ADAMTSL1: variants seen among roughly 807,000 people sequenced by gnomAD.
ADAMTSL1 encodes the protein ADAMTS like 1, also known as ADAMTS-like protein 1.
A neutral mutation model predicts 201.8 loss-of-function variants in ADAMTSL1; 126 were observed. The ratio of observed to expected loss-of-function variants is 0.62; its 90% CI spans 0.54 to 0.72. ADAMTSL1 has a LOEUF of 0.72. Ranked by LOEUF, ADAMTSL1 falls within the 30% of genes least tolerant of loss-of-function variation. The pLI, the probability that ADAMTSL1 is intolerant of heterozygous loss-of-function variation, is 0.00. For synonymous variants in ADAMTSL1, 1,121 were observed against 903.4 expected (o/e 1.24, Z -4.32); for missense variants, 2,679 against 2,277.8 (o/e 1.18, Z -3.59).
At chr9:18,399,433 G>A (rs773116261) in intron 2 of ADAMTSL1, among the ~76,000 whole-genome samples, 64 of 150,344 alleles carry the variant, frequency 4.3e-4, no homozygotes, top group Non-Finnish European at 8.1e-4. Context: ...TCCGCCTCCC[G>A]GGTTCAAGCG....
chr9:18,462,608 T>A (rs570831108), intron 2 of ADAMTSL1, among the ~76,000 whole-genome samples: 1 of 152,180 alleles, frequency 6.6e-6, no homozygotes, highest in East Asian at 1.9e-4. Flanking sequence ...AATTTTAAGA[T>A]GATATATGAG....
chr9:18,625,997 C>T (rs909788761), intron 5 of ADAMTSL1, among the ~76,000 whole-genome samples: 6 of 152,266 alleles, frequency 3.9e-5, no homozygotes, highest in South Asian at 2.1e-4. Context: ...GTAAAGTACG[C>T]TTATAATAAA....
At chr9:17,994,260 A>C (rs1479780936) in intron 1 of ADAMTSL1, among the ~76,000 whole-genome samples, 1 of 152,158 alleles carries the variant, frequency 6.6e-6, no homozygotes, top group African/African-American at 2.4e-5. Flanking sequence ...TCCATGCACA[A>C]GGGTTGAGCT....
chr9:18,243,176 A>C (rs1212667293), intron 2 of ADAMTSL1, among the ~76,000 whole-genome samples: 1 of 152,184 alleles, frequency 6.6e-6, no homozygotes, highest in East Asian at 1.9e-4. Flanking sequence ...AAATAAGTTC[A>C]TACTTATATG....
At chr9:18,214,027 G>A (rs768725255) in intron 2 of ADAMTSL1, among the ~76,000 whole-genome samples, 2 of 152,050 alleles carry the variant, frequency 1.3e-5, no homozygotes, top group Non-Finnish European at 2.9e-5. Flanking sequence ...ATGAGCCACC[G>A]CCCCTCGCCC....
intron 1 of ADAMTSL1, among the ~76,000 whole-genome samples, chr9:18,142,341 T>C (rs1826437467): frequency 6.6e-6 from 1 of 152,192 alleles, no homozygotes; most frequent in Admixed American, 6.5e-5. Flanking sequence ...TCTTTGTCTG[T>C]GCTAACAAAG....
Position 18,908,836 on chromosome 9 carries a change from T to A in ADAMTSL1, c.*288T>A, listed in dbSNP as rs1214339389. The A allele has an allele frequency of 6.8e-6, 2 of 293,514 alleles. No homozygotes were observed. The highest frequency in any genetic ancestry group is 1.3e-5 in the Non-Finnish European group (2 of 157,854). 18.2% of individuals were successfully genotyped at this position (293,514 alleles called of 1,614,324 possible). On this transcript the variant is annotated 3_prime_UTR_variant, in exon 29 of 29. Transcript: ENST00000380548. ...GGGCTCCCTTGAAGAGCTTCCTCCC[T>A]CCCAAACCTGGGTCTCAAAGACCTA...
chr9:18,651,185 A>G (rs926652112), intron 7 of ADAMTSL1: 4 of 152,208 alleles, frequency 2.6e-5, no homozygotes, highest in Non-Finnish European at 4.4e-5. Context: ...CTGTCAGTAC[A>G]TTAATTATTA....
chr9:17,969,732 G>A (rs1818131005), intron 1 of ADAMTSL1, among the ~76,000 whole-genome samples: 1 of 151,832 alleles, frequency 6.6e-6, no homozygotes, highest in African/African-American at 2.4e-5. Context: ...TTCTTAGAGA[G>A]GATCTTAAAT....
chr9:17,997,501 T>C (rs973886312), intron 1 of ADAMTSL1, among the ~76,000 whole-genome samples: 1 of 152,112 alleles, frequency 6.6e-6, no homozygotes, highest in African/African-American at 2.4e-5. Context: ...TATTTACACA[T>C]ATGTTGGTAA....
intron 1 of ADAMTSL1, among the ~76,000 whole-genome samples, chr9:18,485,141 T>C (rs1033115032): frequency 6.6e-6 from 1 of 152,176 alleles, no homozygotes; most frequent in Non-Finnish European, 1.5e-5. Context: ...AGAGAGGTTA[T>C]GTAACATGCC....
intron 16 of ADAMTSL1, among the ~76,000 whole-genome samples, chr9:18,766,412 T>A (rs1820366765): frequency 6.6e-6 from 1 of 152,134 alleles, no homozygotes; most frequent in South Asian, 2.1e-4. Flanking sequence ...TGCTATGGTG[T>A]GGAGAATAGA....
chr9:17,953,138 C>T (rs976357262), intron 1 of ADAMTSL1, among the ~76,000 whole-genome samples: 8 of 151,920 alleles, frequency 5.3e-5, no homozygotes, highest in Non-Finnish European at 1.0e-4. Flanking sequence ...TCACATGACA[C>T]ATTGTATTGC....
At chr9:18,008,254 G>C (rs192336472) in intron 1 of ADAMTSL1, among the ~76,000 whole-genome samples, 2 of 151,958 alleles carry the variant, frequency 1.3e-5, no homozygotes, top group African/African-American at 4.8e-5. Context: ...AGTTCTTGCT[G>C]TTCAGGAATT....
intron 1 of ADAMTSL1, among the ~76,000 whole-genome samples, chr9:18,113,977 G>A (rs1825142229): frequency 6.6e-6 from 1 of 152,038 alleles, no homozygotes; most frequent in Non-Finnish European, 1.5e-5. Context: ...AGTGAAGAGA[G>A]AAATAAAACA....
intron 19 of ADAMTSL1, among the ~76,000 whole-genome samples, chr9:18,787,792 T>C (rs1322860624): frequency 2.6e-5 from 4 of 152,116 alleles, no homozygotes; most frequent in East Asian, 3.9e-4. Flanking sequence ...TAAAAGCAAG[T>C]GGTAATTGGC....
At chr9:18,766,573 A>G (rs1820378140) in intron 16 of ADAMTSL1, among the ~76,000 whole-genome samples, 1 of 152,208 alleles carries the variant, frequency 6.6e-6, no homozygotes, top group Non-Finnish European at 1.5e-5. Flanking sequence ...TGAGTAGCTT[A>G]TCAATGACAG....
rs1829126024 is a variant in ADAMTSL1 at position 18,662,007 on chromosome 9, A to G, written c.1019A>G (p.Tyr340Cys). The change falls in exon 9 of 29, where the codon TAT becomes TGT. Residue 340 changes from tyrosine (Y) to cysteine (C), a missense_variant. Tyr to Cys is a radical substitution (Grantham distance 194). Transcript: ENST00000380548. ...NRVVADQYCH[Y>C]YPENIKPKPK... Reference sequence around the variant, plus strand: ...GTGGTTGCTGACCAATACTGTCACTATTACCCAGAGAACATCAAACCCAAA... The same window carrying G: ...GTGGTTGCTGACCAATACTGTCACTGTTACCCAGAGAACATCAAACCCAAA... 3 of 1,614,124 alleles carry G rather than the reference A, an allele frequency of 1.9e-6. No individual in the cohort carries two copies. Among genetic ancestry groups the G allele is most frequent in the African/African-American group, 1.3e-5 (1 of 75,054 alleles).
chr9:17,924,318 A>C (rs1826432467), intron 1 of ADAMTSL1, among the ~76,000 whole-genome samples: 1 of 152,152 alleles, frequency 6.6e-6, no homozygotes, highest in African/African-American at 2.4e-5. Context: ...TTATTGGTCT[A>C]TTCAGAGATT....
Sources: gnomAD v4.1 joint callset for allele counts (sites outside exome capture counted in the v4.1 genomes callset) on GRCh38, gnomAD v4.1.1 for gene constraint, MANE v1.5 for transcripts, NCBI Gene and HGNC (gene_info 2026-07-23, HGNC 2026-07-21) for gene names.